ZNF517: variants seen among roughly 807,000 people sequenced by gnomAD.
ZNF517 encodes zinc finger protein 517.
In ZNF517, 12 loss-of-function variants were observed where a neutral mutation model predicts 12.1. The ratio of observed to expected loss-of-function variants is 0.99; its 90% CI spans 0.63 to 1.61. The LOEUF (loss-of-function observed/expected upper bound fraction) is 1.61, where lower values mean the gene tolerates loss of function less well. Ranked by LOEUF, ZNF517 falls within the 40% of genes most tolerant of loss-of-function variation. The probability of loss-of-function intolerance (pLI) is 0.00; values close to 1 mark genes in which losing one functional copy is unlikely to be tolerated. For synonymous variants in ZNF517, 388 were observed against 310.2 expected, an observed-to-expected ratio of 1.25 and a Z score of -2.63; for missense variants, 781 against 693.2, an observed-to-expected ratio of 1.13 and a Z score of -1.42.
intron 2 of ZNF517, chr8:144,803,164 C>A: frequency 1.7e-6 from 1 of 605,614 alleles, no homozygotes; most frequent in Non-Finnish European, 2.8e-6. Flanking sequence ...TTCCTGCGGC[C>A]TCCTCTGGCC....
At position 144,807,822 on chromosome 8, in the gene ZNF517, C is replaced by T. The variant is rs763187657; in HGVS notation, c.906C>T (p.Phe302=). 4.8e-5 allele frequency: 77 copies of T among 1,608,852 alleles called. No individual in the cohort carries two copies. Among genetic ancestry groups the T allele is most frequent in the Non-Finnish European group, 6.4e-5 (75 of 1,178,124 alleles). Reference sequence around the variant, plus strand: ...GCGGCAAGGCGTTCTGCCGCAGGTTCACCCTCAACGAGCACGGCCGCATCC... The same window carrying T: ...GCGGCAAGGCGTTCTGCCGCAGGTTTACCCTCAACGAGCACGGCCGCATCC... ...TECGKAFCRR[F]TLNEHGRIHS... Residue 302 remains phenylalanine, a synonymous_variant, in exon 5 of 5, where the codon TTC becomes TTT. Transcript: ENST00000359971.
At chr8:144,802,357 CA>C (rs1389450140) in intron 1 of ZNF517, among the ~76,000 whole-genome samples, 2 of 152,216 alleles carry the variant, frequency 1.3e-5, no homozygotes, top group African/African-American at 4.8e-5. Flanking sequence ...GCCTGGGCGA[CA>C]GAGCGAAACC....
At chr8:144,806,037 ATTTTC>A (rs950050737) in intron 4 of ZNF517, among the ~76,000 whole-genome samples, 4 of 152,122 alleles carry the variant, frequency 2.6e-5, no homozygotes, top group Non-Finnish European at 4.4e-5. Context: ...TATTTTATAT[ATTTTC>A]TTTATTACAC....
chr8:144,799,920 A>G (rs1826874426), intron 1 of ZNF517, among the ~76,000 whole-genome samples: 1 of 152,232 alleles, frequency 6.6e-6, no homozygotes, highest in Admixed American at 6.5e-5. Context: ...AGGCTGGGCA[A>G]CAGAGGGAGA....
Position 144,809,282 on chromosome 8 carries a change from C to T in ZNF517, c.*887C>T, listed in dbSNP as rs1299526672. ...CATGGCTTACTGCAGCCTCCAGCTC[C>T]CAGGCTCAAGCGTTTCTCCCACCTT... On this transcript the variant is annotated 3_prime_UTR_variant, in exon 5 of 5. Coordinates refer to ENST00000359971, the MANE Select transcript of ZNF517 (RefSeq NM_213605.3). The T allele has an allele frequency of 6.6e-6, 1 of 152,180 alleles. No individual in the cohort carries two copies. The highest frequency in any genetic ancestry group is 1.5e-5 in the Non-Finnish European group (1 of 68,092). 9.4% of individuals were successfully genotyped at this position (152,180 alleles called of 1,614,324 possible). A position where few individuals can be genotyped will look rare whatever the true frequency, so the allele number is the denominator to read the frequency against.
chr8:144,799,016 C>G (rs1259750460), intron 1 of ZNF517, 79 bp downstream of exon 1: 1 of 152,186 alleles, frequency 6.6e-6, no homozygotes, highest in African/African-American at 2.4e-5. Context: ...GCTGTAGCCC[C>G]CGCAGTGGGC....
At chr8:144,802,470 C>T (rs931250890) in intron 1 of ZNF517, among the ~76,000 whole-genome samples, 1 of 152,250 alleles carries the variant, frequency 6.6e-6, no homozygotes, top group African/African-American at 2.4e-5. Flanking sequence ...AGCCCTTCCT[C>T]AGGCCCTAGG....
In ZNF517 at chr8:144,808,168, C is replaced by T. The variant is rs753018332; in HGVS notation, c.1252C>T (p.His418Tyr). The change falls in exon 5 of 5, where the codon CAC becomes TAC. Residue 418 changes from histidine (H) to tyrosine (Y), a missense_variant. Physicochemically the swap from His to Tyr is moderately conservative, Grantham distance 83 (BLOSUM62 2). Coordinates refer to ENST00000359971, the MANE Select transcript of ZNF517 (RefSeq NM_213605.3). ...CAACCTCACTCTGCACCAGAAGATC[C>T]ACACCAAGGAGAAGCCCTTCGCGTG... ...KSNLTLHQKIHTKEKPFACTE... is the reference protein window; with the variant it reads ...KSNLTLHQKIYTKEKPFACTE... 7.5e-6 allele frequency: 12 copies of T among 1,610,184 alleles called. No homozygotes were observed. The East Asian group carries it at 1.6e-4, about 21-fold the overall frequency.
At chr8:144,804,817 A>C (rs1827142794) in intron 4 of ZNF517, among the ~76,000 whole-genome samples, 2 of 152,236 alleles carry the variant, frequency 1.3e-5, no homozygotes, top group African/African-American at 4.8e-5. Flanking sequence ...AGAGAGAGAC[A>C]GGACAGCTTA....
intron 3 of ZNF517, 25 bp downstream of exon 3, chr8:144,803,792 G>C: frequency 6.2e-7 from 1 of 1,607,782 alleles, no homozygotes; most frequent in Non-Finnish European, 8.5e-7. Flanking sequence ...CTTTGGTCCT[G>C]GGGCCGGGAG....
At chr8:144,803,501 T>C in intron 2 of ZNF517, 140 bp from the exon 3 acceptor site, 2 of 1,179,180 alleles carry the variant, frequency 1.7e-6, no homozygotes, top group Non-Finnish European at 2.4e-6. Context: ...GGTGTTGGGC[T>C]GCCCTTTCTC....
At chr8:144,805,950 G>C (rs1487527441) in intron 4 of ZNF517, among the ~76,000 whole-genome samples, 1 of 152,210 alleles carries the variant, frequency 6.6e-6, no homozygotes, top group African/African-American at 2.4e-5. Context: ...TTAGAATAAA[G>C]AGTAATGCTA....
At position 144,808,160 on chromosome 8, in the gene ZNF517, A is replaced by G. The variant is rs796350612; in HGVS notation, c.1244A>G (p.Gln415Arg). ...CGCAAGTCCAACCTCACTCTGCACC[A>G]GAAGATCCACACCAAGGAGAAGCCC... Reference protein sequence around the residue: ...FGRKSNLTLHQKIHTKEKPFA... With the variant: ...FGRKSNLTLHRKIHTKEKPFA... The change falls in exon 5 of 5, where the codon CAG becomes CGG. Residue 415 changes from glutamine to arginine, a missense_variant. Gln to Arg is a conservative substitution (Grantham distance 43). Coordinates refer to ENST00000359971, the MANE Select transcript of ZNF517 (RefSeq NM_213605.3). 6.2e-7 allele frequency: 1 copy of G among 1,611,192 alleles called. No individual in the cohort carries two copies. The highest frequency in any genetic ancestry group is 8.5e-7 in the Non-Finnish European group (1 of 1,178,952).
At chr8:144,806,785 T>C (rs1486088768) in intron 4 of ZNF517, among the ~76,000 whole-genome samples, 1 of 152,138 alleles carries the variant, frequency 6.6e-6, no homozygotes, top group Admixed American at 6.5e-5. Context: ...GGACCTGGCC[T>C]GAAACCCTGA....
chr8:144,811,882 G>A (rs112972878), downstream of ZNF517, among the ~76,000 whole-genome samples: 1 of 105,254 alleles, frequency 9.5e-6, no homozygotes, highest in Middle Eastern at 9.6e-3. Context: ...GGAGAGACAC[G>A]GACAGTAAAG....
At chr8:144,806,576 T>A (rs1317252252) in intron 4 of ZNF517, among the ~76,000 whole-genome samples, 3 of 151,948 alleles carry the variant, frequency 2.0e-5, no homozygotes, top group African/African-American at 4.8e-5. Flanking sequence ...CCTCCGCTTC[T>A]TGGGTTCAAG....
rs369648842 is a variant in ZNF517 at position 144,805,575 on chromosome 8, C to T, written c.274+1337C>T. ...TCGATCTCCTGACCTTGTGATCCACCGCCTCGGCCTCCCAGAGTGCTGGGA... is the reference window on the plus strand; with the variant it reads ...TCGATCTCCTGACCTTGTGATCCACTGCCTCGGCCTCCCAGAGTGCTGGGA... On this transcript the variant is annotated intron_variant, in intron 4 of 4. Transcript: ENST00000359971. 2.6e-4 allele frequency among the ~76,000 whole-genome samples: 39 copies of T among 151,378 alleles called. No homozygotes were observed. In the East Asian group the frequency reaches 2.7e-3, roughly 11 times the overall value.
chr8:144,801,354 G>T (rs1390524938), intron 1 of ZNF517, among the ~76,000 whole-genome samples: 1 of 152,080 alleles, frequency 6.6e-6, no homozygotes, highest in African/African-American at 2.4e-5. Context: ...TTTTGTTTGA[G>T]ACAGAGTCTC....
intron 1 of ZNF517, among the ~76,000 whole-genome samples, chr8:144,801,797 C>T (rs988575525): frequency 6.6e-6 from 1 of 152,000 alleles, no homozygotes; most frequent in Non-Finnish European, 1.5e-5. Flanking sequence ...TTTGGGAGAC[C>T]GAGGCAAGAG....
Sources: gnomAD v4.1 joint callset for allele counts (sites outside exome capture counted in the v4.1 genomes callset) on GRCh38, gnomAD v4.1.1 for gene constraint, MANE v1.5 for transcripts, NCBI Gene and HGNC (gene_info 2026-07-23, HGNC 2026-07-21) for gene names.